OSBP2: variants seen among roughly 807,000 people sequenced by gnomAD.
The protein encoded by OSBP2 is oxysterol binding protein 2.
OSBP2 carries 66 observed loss-of-function variants against 96.0 expected under a neutral mutation model. That is an observed-to-expected ratio of 0.69 (90% CI 0.56 to 0.84). The LOEUF is 0.84. OSBP2 is among the 40% of genes least tolerant of loss of function. OSBP2 has a pLI of 0.00. For synonymous variants in OSBP2, 525 were observed against 520.9 expected (o/e 1.01, Z -0.11); for missense variants, 1,038 against 1,222.7 (o/e 0.85, Z 2.25).
Position 30,695,488 on chromosome 22 carries a change from C to G in OSBP2, c.579C>G (p.Thr193=). The G allele has an allele frequency of 6.2e-7, 1 of 1,613,264 alleles. No homozygotes were observed. Among genetic ancestry groups the G allele is most frequent in the Non-Finnish European group, 8.5e-7 (1 of 1,180,030 alleles). Residue 193 remains threonine (T), a synonymous_variant, in exon 1 of 14, where the codon ACC becomes ACG. Transcript: ENST00000332585. ...DSFEGWLLKW[T]NYLKGYQRRW... is the part of the protein sequence containing the mutation. ...TCGAGGGCTGGCTTCTCAAGTGGAC[C>G]AACTATCTGAAGGGCTACCAGCGCC...
chr22:30,776,591 C>CT (rs1002174655), intron 2 of OSBP2, among the ~76,000 whole-genome samples: 125 of 145,640 alleles, frequency 8.6e-4, no homozygotes, highest in Middle Eastern at 3.5e-3. Context: ...TCTGTGCTCA[C>CT]TTTTTTTTTT....
chr22:30,886,377 T>C (rs559019038), intron 3 of OSBP2, among the ~76,000 whole-genome samples: 3 of 152,330 alleles, frequency 2.0e-5, no homozygotes, highest in East Asian at 3.9e-4. Context: ...AGATGAAAGA[T>C]TGTGGAGACC....
chr22:30,906,170 C>T (rs1291435190), intron 13 of OSBP2, 27 bp from the exon 14 acceptor site: 2 of 1,613,568 alleles, frequency 1.2e-6, no homozygotes, highest in Admixed American at 1.7e-5. Flanking sequence ...CAAGCCCACC[C>T]ACCAGCCCAC....
At chr22:30,896,676 C>G (rs1175448447) in intron 12 of OSBP2, among the ~76,000 whole-genome samples, 1 of 148,872 alleles carries the variant, frequency 6.7e-6, no homozygotes, top group African/African-American at 2.5e-5. Flanking sequence ...GAGACAGAGT[C>G]TCGCTCTGTT....
intron 1 of OSBP2, among the ~76,000 whole-genome samples, chr22:30,715,709 C>T (rs942880280): frequency 1.3e-5 from 2 of 151,756 alleles, no homozygotes; most frequent in African/African-American, 4.8e-5. Context: ...GTGCCTGCCA[C>T]CATGTCCAGT....
At chr22:30,743,939 C>T (rs2089970226) in intron 2 of OSBP2, among the ~76,000 whole-genome samples, 1 of 152,116 alleles carries the variant, frequency 6.6e-6, no homozygotes. Context: ...GAGGGAGTAA[C>T]CTTAGGCTCA....
rs1402740871 is a variant in OSBP2, at chr22:30,889,624, G to C, written c.1611G>C (p.Arg537Ser). 5.6e-6 allele frequency: 9 copies of C among 1,613,964 alleles called. No homozygotes were observed. The highest frequency in any genetic ancestry group is 7.6e-6 in the Non-Finnish European group (9 of 1,180,016). ...ACTGCATCGGCCGGGAGCTCTCCAG[G>C]ATCCCCATGCCGGTGGGTGGCTCGG... is the stretch of plus-strand genomic sequence containing the variant. Reference protein sequence around the residue: ...MKNCIGRELSRIPMPVNFNEP... With the variant: ...MKNCIGRELSSIPMPVNFNEP... Residue 537 changes from arginine to serine, a missense_variant, in exon 7 of 14, where the codon AGG becomes AGC. This residue lies in a region of OSBP2 where 737 missense variants were observed against 913.3 expected (regional missense o/e 0.81). Transcript: ENST00000332585.
rs570822414 is a variant in OSBP2, at chr22:30,890,095, G to A, written c.1623+459G>A. On this transcript the variant is annotated intron_variant, in intron 7 of 13. Coordinates refer to ENST00000332585, the MANE Select transcript of OSBP2 (RefSeq NM_030758.4). This position sits in a 1 kb window ranked among gnomAD's most constrained non-coding sequence, Gnocchi z 4.4. The stretch of plus-strand genomic sequence containing the variant: ...CAGTGGCATCTCCACTAGGCCAGAC[G>A]GTTCTGCTGTGTGACCCAGAACAAG... Among the ~76,000 whole-genome samples, 5 of 152,238 alleles carry A rather than the reference G, an allele frequency of 3.3e-5. No homozygotes were observed. The highest frequency in any genetic ancestry group is 7.2e-5 in the African/African-American group (3 of 41,540).
rs577981503 is a variant in OSBP2, at chr22:30,742,881, C to T, written c.853+1512C>T. On this transcript the variant is annotated intron_variant, in intron 2 of 13. Coordinates refer to ENST00000332585, the MANE Select transcript of OSBP2 (RefSeq NM_030758.4). ...GAAGCCGGCTTGCTGGGTCAGTGGG[C>T]GCGTACATTTGTAATTCTTCAAGGT... 3.9e-5 allele frequency among the ~76,000 whole-genome samples: 6 copies of T among 152,228 alleles called. No homozygotes were observed. The South Asian group carries it at 8.3e-4, about 21-fold the overall frequency.
intron 1 of OSBP2, among the ~76,000 whole-genome samples, chr22:30,707,880 C>A (rs2089280546): frequency 6.6e-6 from 1 of 151,682 alleles, no homozygotes; most frequent in Non-Finnish European, 1.5e-5. Flanking sequence ...TTCTTCAGCC[C>A]CATTTCTTTT....
chr22:30,848,172 G>C (rs1239549045), intron 2 of OSBP2, among the ~76,000 whole-genome samples: 1 of 151,880 alleles, frequency 6.6e-6, no homozygotes, highest in Non-Finnish European at 1.5e-5. Context: ...GTCTCTTTTT[G>C]AAGGGCATTT....
intron 2 of OSBP2, chr22:30,822,595 G>C: frequency 6.6e-7 from 1 of 1,524,090 alleles, no homozygotes. Context: ...GCGCCATGTA[G>C]CGCCCCGCCG....
At chr22:30,742,429 A>G (rs145920547) in intron 2 of OSBP2, among the ~76,000 whole-genome samples, 2,306 of 151,922 alleles carry the variant, frequency 0.015, 31 homozygotes, top group Middle Eastern at 0.045. Flanking sequence ...AAAAAGTAAT[A>G]TTTTAACATG....
At chr22:30,902,471 G>C in intron 12 of OSBP2, 1 of 1,583,878 alleles carries the variant, frequency 6.3e-7, no homozygotes. Context: ...GATAAAGGTG[G>C]CTTTGGATTC....
chr22:30,882,925 C>A (rs2039733413), intron 3 of OSBP2, among the ~76,000 whole-genome samples: 1 of 152,342 alleles, frequency 6.6e-6, no homozygotes. Flanking sequence ...GAAGCCCAGG[C>A]ACCCTCAGAT....
At chr22:30,848,511 C>T (rs2038915773) in intron 2 of OSBP2, among the ~76,000 whole-genome samples, 1 of 152,072 alleles carries the variant, frequency 6.6e-6, no homozygotes. Context: ...CATGTATACA[C>T]CTGTGTAGCT....
At chr22:30,790,319 A>G (rs2090655630) in intron 2 of OSBP2, among the ~76,000 whole-genome samples, 1 of 152,132 alleles carries the variant, frequency 6.6e-6, no homozygotes. Flanking sequence ...GGGCGGGGAA[A>G]GCATAGAAAA....
At chr22:30,730,752 CTCTCTCTCTCTCTCT>C (rs1289072881) in intron 1 of OSBP2, among the ~76,000 whole-genome samples, 1 of 44,566 alleles carries the variant, frequency 2.2e-5, no homozygotes, top group Non-Finnish European at 4.4e-5. Context: ...CTCTCTCTCT[CTCTCTCTCTCTCTCT>C]CTCTCTCTAT....
intron 1 of OSBP2, among the ~76,000 whole-genome samples, chr22:30,728,901 T>A (rs1427908988): frequency 6.6e-6 from 1 of 152,196 alleles, no homozygotes; most frequent in Non-Finnish European, 1.5e-5. Flanking sequence ...TCCATTCTAG[T>A]GTGTATGGAC....
Sources: gnomAD v4.1 joint callset for allele counts (sites outside exome capture counted in the v4.1 genomes callset) on GRCh38, gnomAD v4.1.1 for gene constraint, gnomAD v4.1.1 regional missense constraint, Gnocchi (gnomAD v3.1) non-coding constraint, MANE v1.5 for transcripts, NCBI Gene and HGNC (gene_info 2026-07-23, HGNC 2026-07-21) for gene names.